The following TET3 variants were observed in gnomAD, a reference collection of about 807,000 sequenced individuals.
TET3 encodes tet methylcytosine dioxygenase 3.
In TET3, 19 loss-of-function variants were observed where a neutral mutation model predicts 141.4. The ratio of observed to expected loss-of-function variants is 0.13; its 90% CI spans 0.09 to 0.20. The LOEUF is 0.20. Ranked by LOEUF, TET3 falls within the 10% of genes least tolerant of loss-of-function variation. The pLI is 1.00. For missense variants in TET3, 1,874 were observed against 2,356.9 expected, an observed-to-expected ratio of 0.80 and a Z score of 4.24; for synonymous variants, 1,043 against 980.9, an observed-to-expected ratio of 1.06 and a Z score of -1.18.
At chr2:74,068,241 C>T (rs1441874657) in intron 4 of TET3, among the ~76,000 whole-genome samples, 2 of 151,868 alleles carry the variant, frequency 1.3e-5, no homozygotes, top group African/African-American at 4.8e-5. Context: ...TTTAAACTTG[C>T]TTTTACTCTG....
chr2:74,080,211 G>A (rs911667114), intron 5 of TET3, among the ~76,000 whole-genome samples: 5 of 152,244 alleles, frequency 3.3e-5, no homozygotes, highest in Admixed American at 1.3e-4. Context: ...GAGTTCGGAG[G>A]TAACGATCAG....
the TET3 span, among the ~76,000 whole-genome samples, chr2:74,125,709 T>A: frequency 1.7e-4 from 26 of 151,450 alleles, no homozygotes; most frequent in African/African-American, 5.4e-4. Context: ...TTTTTTTTTT[T>A]AACTTTATAG....
intron 3 of TET3, among the ~76,000 whole-genome samples, chr2:74,015,643 C>T (rs1322675291): frequency 6.6e-6 from 1 of 152,038 alleles, no homozygotes; most frequent in Non-Finnish European, 1.5e-5. Flanking sequence ...TGGACATTTA[C>T]AGTTCTAATT....
At chr2:74,111,104 C>T (rs963356947), downstream of TET3, among the ~76,000 whole-genome samples, 6 of 152,168 alleles carry the variant, frequency 3.9e-5, no homozygotes, top group African/African-American at 9.7e-5. Context: ...CCTCTGCTCC[C>T]GGACTGCATA....
intron 3 of TET3, among the ~76,000 whole-genome samples, chr2:74,025,457 T>G (rs2105265491): frequency 6.6e-6 from 1 of 151,638 alleles, no homozygotes; most frequent in South Asian, 2.1e-4. Flanking sequence ...CCGGCTAATT[T>G]TTTGTATTTT....
At chr2:74,079,359 A>G (rs1689683634) in intron 5 of TET3, among the ~76,000 whole-genome samples, 1 of 152,130 alleles carries the variant, frequency 6.6e-6, no homozygotes, top group African/African-American at 2.4e-5. Context: ...AAGAAAGAAA[A>G]AAAAAGAAAG....
In TET3 at chr2:74,003,127, T is replaced by C; in HGVS notation, c.321T>C (p.Gly107=). Residue 107 remains glycine, a synonymous_variant, in exon 3 of 12, where the codon GGT becomes GGC. Coordinates refer to ENST00000409262, the MANE Select transcript of TET3 (RefSeq NM_001287491.2). ...TTTTGCAGGTGGAAATAAAGGCTGG[T>C]GAAGGAGCCGGGCCGTGGGGACAAG... ...GLLKEVEIKA[G]EGAGPWGQGA... 6.5e-7 allele frequency: 1 copy of C among 1,550,030 alleles called. No individual in the cohort carries two copies. Among genetic ancestry groups the C allele is most frequent in the Non-Finnish European group, 8.7e-7 (1 of 1,146,834 alleles).
intron 3 of TET3, among the ~76,000 whole-genome samples, chr2:74,039,280 C>A (rs1457508062): frequency 1.3e-5 from 2 of 152,180 alleles, no homozygotes; most frequent in Admixed American, 1.3e-4. Context: ...CTGCAGAATT[C>A]TTCCCCTTCT....
Position 73,997,835 on chromosome 2 carries a change from G to A in TET3, c.304-5275G>A, listed in dbSNP as rs546932051. On this transcript the variant is annotated intron_variant, in intron 2 of 11. Transcript: ENST00000409262. ...TTAATGATCTTGCTGTCTGGGGAGG[G>A]AGACAAGCATGGAAACAAATAACTA... 1.5e-3 allele frequency among the ~76,000 whole-genome samples: 232 copies of A among 152,302 alleles called. 5 individuals carry two copies. In the South Asian group the frequency reaches 0.046, roughly 30 times the overall value.
the TET3 span, among the ~76,000 whole-genome samples, chr2:74,125,428 A>T: frequency 6.6e-6 from 1 of 152,162 alleles, no homozygotes; most frequent in Non-Finnish European, 1.5e-5. Context: ...GGCATCATAC[A>T]CTTGAGTTTT....
the TET3 span, among the ~76,000 whole-genome samples, chr2:74,128,642 A>G: frequency 6.6e-5 from 10 of 152,064 alleles, no homozygotes; most frequent in Non-Finnish European, 1.0e-4. Context: ...ATTTTTCTGT[A>G]AATGTAGAAC....
chr2:74,058,586 A>T (rs1308783716), intron 4 of TET3, among the ~76,000 whole-genome samples: 1 of 152,146 alleles, frequency 6.6e-6, no homozygotes, highest in Non-Finnish European at 1.5e-5. Flanking sequence ...TTTAATTTTT[A>T]AATTTTTTTC....
At chr2:74,091,776 C>T (rs945630907) in intron 8 of TET3, among the ~76,000 whole-genome samples, 4 of 152,166 alleles carry the variant, frequency 2.6e-5, no homozygotes, top group African/African-American at 9.7e-5. Context: ...TCGTGGTGTC[C>T]TAGGAGCCCT....
the TET3 span, among the ~76,000 whole-genome samples, chr2:74,116,732 C>A: frequency 3.4e-5 from 5 of 147,298 alleles, no homozygotes; most frequent in East Asian, 2.0e-4. Flanking sequence ...TGAATATGTA[C>A]AATTATTATT....
At chr2:74,063,458 C>G (rs1439935836) in intron 4 of TET3, among the ~76,000 whole-genome samples, 1 of 152,146 alleles carries the variant, frequency 6.6e-6, no homozygotes, top group Non-Finnish European at 1.5e-5. Context: ...GTTAATTTTT[C>G]ATTAGGGATT....
chr2:73,994,224 C>T (rs1684467250), intron 2 of TET3, among the ~76,000 whole-genome samples: 1 of 152,168 alleles, frequency 6.6e-6, no homozygotes, highest in East Asian at 1.9e-4. Context: ...GTCTTGAAAT[C>T]TGTCAGAGTG....
chr2:74,103,701 A>G lies in TET3; in HGVS notation c.*1525A>G, dbSNP rs1691354349. 1 of 153,354 alleles carries G rather than the reference A, an allele frequency of 6.5e-6. No homozygotes were observed. Among genetic ancestry groups the G allele is most frequent in the Non-Finnish European group, 1.5e-5 (1 of 68,026 alleles). 9.5% of individuals were successfully genotyped at this position (153,354 alleles called of 1,614,324 possible). ...AGAGGTTGGGCCTGATGGGAGCAAC[A>G]CTCATCATCACCAAGTCAAACTTTG... On this transcript the variant is annotated 3_prime_UTR_variant, in exon 12 of 12. Coordinates refer to ENST00000409262, the MANE Select transcript of TET3 (RefSeq NM_001287491.2).
At chr2:73,995,886 T>G (rs904158339) in intron 2 of TET3, among the ~76,000 whole-genome samples, 5 of 152,174 alleles carry the variant, frequency 3.3e-5, no homozygotes, top group African/African-American at 9.7e-5. Context: ...TTTCCTGGAT[T>G]CTAACCCACT....
intron 2 of TET3, among the ~76,000 whole-genome samples, chr2:73,997,397 G>A (rs1684648841): frequency 6.6e-6 from 1 of 152,196 alleles, no homozygotes; most frequent in Admixed American, 6.5e-5. Flanking sequence ...ATGATGCTGG[G>A]AATGATCCTG....
Sources: allele counts gnomAD v4.1 joint callset (sites outside exome capture counted in the v4.1 genomes callset), GRCh38; gene constraint gnomAD v4.1.1; transcripts MANE v1.5; gene names NCBI Gene and HGNC (gene_info 2026-07-23, HGNC 2026-07-21).